CNKSR2: variants seen among roughly 807,000 people sequenced by gnomAD.
The protein encoded by CNKSR2 is CNK homolog protein 2.
CNKSR2 carries 14 observed loss-of-function variants against 84.4 expected under a neutral mutation model. The ratio of observed to expected loss-of-function variants is 0.17; its 90% confidence interval spans 0.11 to 0.26. The LOEUF is 0.26. Ranked by LOEUF, CNKSR2 falls within the 10% of genes least tolerant of loss-of-function variation. CNKSR2 has a pLI of 1.00. For missense variants in CNKSR2, 485 were observed against 771.2 expected, an observed-to-expected ratio of 0.63 and a Z score of 4.40; for synonymous variants, 275 against 277.9, an observed-to-expected ratio of 0.99 and a Z score of 0.10.
chrX:21,592,739 A>ATC (rs2092428412), intron 15 of CNKSR2: 1 of 111,352 alleles, frequency 9.0e-6, no homozygotes, highest in Non-Finnish European at 1.9e-5. Flanking sequence ...AATTACCTAA[A>ATC]ATACCCTCTG....
intron 21 of CNKSR2, among the ~76,000 whole-genome samples, 175 bp from the exon 22 acceptor site, chrX:21,652,109 CACACAGTGGGCAAAAGGAGGCG>C (rs2092722279): frequency 9.0e-6 from 1 of 111,641 alleles, no homozygotes; most frequent in Non-Finnish European, 1.9e-5. Context: ...AAAAGCAAAC[CACACAGTGGGCAAAAGGAGGCG>C]TTCCTCGGGT....
intron 15 of CNKSR2, chrX:21,593,892 G>A (rs895599770): frequency 1.8e-5 from 2 of 111,639 alleles, no homozygotes; most frequent in Admixed American, 9.5e-5. Flanking sequence ...AATTAGTTCA[G>A]CCATTGTGGA....
At chrX:21,423,796 A>G (rs2090529581) in intron 1 of CNKSR2, 1 of 111,672 alleles carries the variant, frequency 9.0e-6, no homozygotes, top group Non-Finnish European at 1.9e-5. Flanking sequence ...GTATGCTAGC[A>G]TGGACTTTAG....
At chrX:21,646,793 C>T (rs2092707964) in intron 20 of CNKSR2, among the ~76,000 whole-genome samples, 1 of 111,618 alleles carries the variant, frequency 9.0e-6, no homozygotes, top group Non-Finnish European at 1.9e-5. Flanking sequence ...TTACATCTGG[C>T]TTTAGATGCA....
chrX:21,414,155 C>G (rs979852207), intron 1 of CNKSR2, among the ~76,000 whole-genome samples: 1 of 110,948 alleles, frequency 9.0e-6, no homozygotes, highest in African/African-American at 3.3e-5. Context: ...AACTATTCTC[C>G]ATAGTGGTTG....
At chrX:21,490,427 TACC>T in intron 5 of CNKSR2, 29 bp from the exon 6 acceptor site, 1 of 1,178,287 alleles carries the variant, frequency 8.5e-7, no homozygotes, top group Non-Finnish European at 1.1e-6. Flanking sequence ...AACACGTATT[TACC>T]ACAACTATTT....
chrX:21,497,903 A>G, intron 7 of CNKSR2, 57 bp downstream of exon 7: 1 of 563,246 alleles, frequency 1.8e-6, no homozygotes. Context: ...ATTGCTAACA[A>G]CTTATATATC....
intron 1 of CNKSR2, among the ~76,000 whole-genome samples, chrX:21,380,621 A>AT (rs1372816224): frequency 1.1e-4 from 12 of 109,068 alleles, no homozygotes; most frequent in Middle Eastern, 4.7e-3. Flanking sequence ...TAATTTTTGT[A>AT]TTTTTTAGTA....
chrX:21,538,695 C>T (rs2091951192), intron 11 of CNKSR2: 1 of 112,553 alleles, frequency 8.9e-6, no homozygotes, highest in East Asian at 2.8e-4. Flanking sequence ...GGTCCCAAAG[C>T]CTCAAAAGTG....
Position 21,432,337 on chromosome X carries a change from A to C in CNKSR2, c.229-275A>C, listed in dbSNP as rs113238386. Among the ~76,000 whole-genome samples the C allele has an allele frequency of 7.4e-3, 830 of 111,764 alleles. 4 individuals carry two copies. The highest frequency in any genetic ancestry group is 0.026 in the African/African-American group (789 of 30,849). On this transcript the variant is annotated intron_variant, in intron 2 of 21. Coordinates refer to ENST00000379510, the MANE Select transcript of CNKSR2 (RefSeq NM_014927.5). ...AAAAAACAAATTTATTATTTCTTACAATCTTGCTTTCTTGGGTAGCATAGT... is the reference window on the plus strand; with the variant it reads ...AAAAAACAAATTTATTATTTCTTACCATCTTGCTTTCTTGGGTAGCATAGT...
At chrX:21,413,506 TAGTC>T (rs1056977401) in intron 1 of CNKSR2, among the ~76,000 whole-genome samples, 5 of 110,702 alleles carry the variant, frequency 4.5e-5, no homozygotes, top group Non-Finnish European at 5.7e-5. Flanking sequence ...TTATTCACTA[TAGTC>T]AGTCGACTGA....
At chrX:21,590,257 A>G (rs2092412573) in intron 13 of CNKSR2, among the ~76,000 whole-genome samples, 1 of 111,943 alleles carries the variant, frequency 8.9e-6, no homozygotes, top group African/African-American at 3.2e-5. Flanking sequence ...CTGTCTGGCA[A>G]ACCACAATAT....
Position 21,600,891 on chromosome X carries a change from C to T in CNKSR2, c.1977-391C>T, listed in dbSNP as rs190452617. On this transcript the variant is annotated intron_variant, in intron 17 of 21. Coordinates refer to ENST00000379510, the MANE Select transcript of CNKSR2 (RefSeq NM_014927.5). ...GGCAAGGTCCATAACTTTTTTCCCT[C>T]ATCAGAATAAATTGAACCTGATACT... Among the ~76,000 whole-genome samples the T allele has an allele frequency of 3.1e-3, 353 of 112,312 alleles. 1 individual carries two copies. The highest frequency in any genetic ancestry group is 0.011 in the African/African-American group (339 of 31,011).
intron 1 of CNKSR2, among the ~76,000 whole-genome samples, chrX:21,409,047 A>T (rs968117503): frequency 8.4e-5 from 9 of 107,182 alleles, no homozygotes; most frequent in Admixed American, 4.0e-4. Context: ...ACTGGAGAAG[A>T]AATGTCTCTG....
chrX:21,613,993 C>T (rs1464126768), intron 20 of CNKSR2, among the ~76,000 whole-genome samples: 2 of 109,568 alleles, frequency 1.8e-5, no homozygotes, highest in Non-Finnish European at 3.8e-5. Flanking sequence ...ATAACCTGCT[C>T]TATAAATAAA....
chrX:21,573,268 A>G (rs781548017), intron 13 of CNKSR2, among the ~76,000 whole-genome samples: 1 of 112,080 alleles, frequency 8.9e-6, no homozygotes, highest in Non-Finnish European at 1.9e-5. Context: ...GCTTTCATGA[A>G]CTGGCATTGA....
intron 3 of CNKSR2, among the ~76,000 whole-genome samples, chrX:21,437,164 A>ATT (rs2090717200): frequency 9.0e-6 from 1 of 111,207 alleles, no homozygotes; most frequent in Non-Finnish European, 1.9e-5. Flanking sequence ...GATCAAATAG[A>ATT]TTTTTTCTTT....
At chrX:21,580,579 C>T (rs749278463) in intron 13 of CNKSR2, among the ~76,000 whole-genome samples, 1 of 111,556 alleles carries the variant, frequency 9.0e-6, no homozygotes, top group East Asian at 2.8e-4. Context: ...GATTCTTTTA[C>T]AAATAAAACC....
At chrX:21,626,092 A>G (rs1400400574) in intron 20 of CNKSR2, among the ~76,000 whole-genome samples, 1 of 110,912 alleles carries the variant, frequency 9.0e-6, no homozygotes, top group Non-Finnish European at 1.9e-5. Flanking sequence ...GTTTTGAGAA[A>G]TGAACACATT....
Sources: allele counts gnomAD v4.1 joint callset (sites outside exome capture counted in the v4.1 genomes callset), GRCh38; gene constraint gnomAD v4.1.1; transcripts MANE v1.5; gene names NCBI Gene and HGNC (gene_info 2026-07-23, HGNC 2026-07-21).